Variants in USH2A observed in about 807,000 individuals in gnomAD.
USH2A encodes Usher syndrome 2A (autosomal recessive, mild).
Under a neutral mutation model 538.9 loss-of-function variants are expected in USH2A, and 443 were observed. That is an observed-to-expected ratio of 0.82 (90% CI 0.76 to 0.89). The LOEUF (loss-of-function observed/expected upper bound fraction) is 0.89. Among genes scored for constraint, USH2A ranks in the 40% least tolerant of loss-of-function variants. The pLI, the probability that USH2A is intolerant of heterozygous loss-of-function variation, is 0.00. For synonymous variants in USH2A, 2,413 were observed against 2,273.5 expected (o/e 1.06, Z -1.75); for missense variants, 6,633 against 6,324.8 (o/e 1.05, Z -1.65).
At chr1:216,212,500 T>C (rs896252370) in intron 15 of USH2A, among the ~76,000 whole-genome samples, 4 of 152,192 alleles carry the variant, frequency 2.6e-5, no homozygotes, top group Non-Finnish European at 4.4e-5. Context: ...GATGAGAGTA[T>C]AATATTGTGA....
At chr1:216,312,368 A>G (rs978070565) in intron 9 of USH2A, among the ~76,000 whole-genome samples, 3 of 151,966 alleles carry the variant, frequency 2.0e-5, no homozygotes, top group African/African-American at 7.2e-5. Flanking sequence ...CTTAGTCATT[A>G]TTGTTCCAAA....
chr1:216,046,356 TCG>T lies in USH2A; in HGVS notation c.6325+73_6325+74del. 2 of 1,574,180 alleles carry T rather than the reference TCG, an allele frequency of 1.3e-6. 1 individual carries two copies. Among genetic ancestry groups the T allele is most frequent in the South Asian group, 2.3e-5 (2 of 88,582 alleles). Reference sequence around the variant, plus strand: ...TTTGCAGATATGGAACCCCTGGATATCGAGAGCCAACTATATGTATGTTTATA... The same window carrying T: ...TTTGCAGATATGGAACCCCTGGATATAGAGCCAACTATATGTATGTTTATA... On this transcript the variant is annotated intron_variant, in intron 32 of 71. Transcript: ENST00000307340.
Position 215,623,303 on chromosome 1 carries a change from T to A in USH2A, c.*2478A>T, listed in dbSNP as rs1474973275. On this transcript the variant is annotated 3_prime_UTR_variant, in exon 72 of 72. Coordinates refer to ENST00000307340, the MANE Select transcript of USH2A (RefSeq NM_206933.4). ...GGTTCATCAAGAACTGCTCATTGTT[T>A]ATAAGGGAGAAGGGGTGAGCCAAGG... is the stretch of plus-strand genomic sequence containing the variant. The A allele has an allele frequency of 6.6e-6, 1 of 152,116 alleles. No homozygotes were observed. Among genetic ancestry groups the A allele is most frequent in the Non-Finnish European group, 1.5e-5 (1 of 67,994 alleles). 9.4% of individuals were successfully genotyped at this position (152,116 alleles called of 1,614,324 possible).
intron 58 of USH2A, among the ~76,000 whole-genome samples, chr1:215,747,977 C>T (rs1261371126): frequency 6.6e-6 from 1 of 151,308 alleles, no homozygotes; most frequent in Non-Finnish European, 1.5e-5. Context: ...CTGCAAGCTC[C>T]GCCTCCCGGG....
rs1376582582 is a variant in USH2A at position 216,014,613 on chromosome 1, A to C, written c.6326-14051T>G. 3.3e-5 allele frequency among the ~76,000 whole-genome samples: 5 copies of C among 152,202 alleles called. No individual in the cohort carries two copies. The East Asian group carries it at 9.6e-4, about 29-fold the overall frequency. ...TGTTTGTAAGAGCCCCTGAGCAACA[A>C]CATCTTGTTTTCCATTTGCTTGATT... On this transcript the variant is annotated intron_variant, in intron 32 of 71. Coordinates refer to ENST00000307340, the MANE Select transcript of USH2A (RefSeq NM_206933.4).
intron 44 of USH2A, among the ~76,000 whole-genome samples, chr1:215,857,046 T>C (rs1260544803): frequency 1.3e-5 from 2 of 152,046 alleles, no homozygotes; most frequent in African/African-American, 4.8e-5. Context: ...AATGATACAA[T>C]GGACTTTGGG....
intron 32 of USH2A, among the ~76,000 whole-genome samples, chr1:216,043,827 C>A (rs17025913): frequency 0.13 from 19,652 of 152,032 alleles, 1,745 homozygotes; most frequent in African/African-American, 0.26. Context: ...ATTAGCTGCA[C>A]CACTTCCCTG....
At chr1:215,814,131 A>G (rs571334834) in intron 48 of USH2A, among the ~76,000 whole-genome samples, 1 of 148,872 alleles carries the variant, frequency 6.7e-6, no homozygotes, top group South Asian at 2.1e-4. Context: ...TTTGTGCTCT[A>G]TTATAATACT....
chr1:216,394,720 C>CTTTTTTTTTTTTTTTTTTTT lies in USH2A; in HGVS notation c.651+23793_651+23794insAAAAAAAAAAAAAAAAAAAA, dbSNP rs780581599. Among the ~76,000 whole-genome samples the CTTTTTTTTTTTTTTTTTTTT allele has an allele frequency of 1.4e-3, 167 of 120,312 alleles. 23 individuals carry two copies. Among genetic ancestry groups the CTTTTTTTTTTTTTTTTTTTT allele is most frequent in the Non-Finnish European group, 2.1e-3 (126 of 59,636 alleles). 78.9% of individuals were successfully genotyped at this position (120,312 alleles called of 152,430 possible). ...CTTAAGGCCTAATAACTGGTCCAGT[C>CTTTTTTTTTTTTTTTTTTTT]TTTTTTTTTTTTTTTTGAGACAGAG... On this transcript the variant is annotated intron_variant, in intron 3 of 71. Transcript: ENST00000307340.
chr1:216,237,795 T>G (rs1026361448), intron 13 of USH2A, among the ~76,000 whole-genome samples: 1 of 152,164 alleles, frequency 6.6e-6, no homozygotes, highest in African/African-American at 2.4e-5. Context: ...GACAGAGAAA[T>G]TTTTCTTATC....
At chr1:215,679,377 C>T (rs899618916) in intron 62 of USH2A, among the ~76,000 whole-genome samples, 3 of 152,150 alleles carry the variant, frequency 2.0e-5, no homozygotes, top group African/African-American at 7.2e-5. Flanking sequence ...GGGGACTCTG[C>T]AGTCCCAGCC....
intron 11 of USH2A, among the ~76,000 whole-genome samples, chr1:216,258,671 T>A (rs57714915): frequency 6.6e-6 from 1 of 152,206 alleles, no homozygotes; most frequent in East Asian, 1.9e-4. Context: ...ATTGTAAGAT[T>A]CACATAATTT....
intron 20 of USH2A, among the ~76,000 whole-genome samples, chr1:216,183,114 C>T (rs924915156): frequency 2.0e-5 from 3 of 152,092 alleles, no homozygotes; most frequent in African/African-American, 7.2e-5. Flanking sequence ...TCTCATCCAA[C>T]TCATTTTCTT....
At chr1:215,963,474 A>G (rs1667252252) in intron 37 of USH2A, among the ~76,000 whole-genome samples, 1 of 152,048 alleles carries the variant, frequency 6.6e-6, no homozygotes, top group Admixed American at 6.6e-5. Flanking sequence ...CAAATCTCGT[A>G]ATTGCTTCCA....
intron 44 of USH2A, among the ~76,000 whole-genome samples, chr1:215,849,133 C>T (rs1275016809): frequency 6.6e-6 from 1 of 152,098 alleles, no homozygotes; most frequent in Non-Finnish European, 1.5e-5. Context: ...ACATAAGTTA[C>T]AAGGCTTCTT....
chr1:216,339,839 TAA>T (rs2038041991), intron 4 of USH2A, among the ~76,000 whole-genome samples: 1 of 151,794 alleles, frequency 6.6e-6, no homozygotes. Context: ...AAGGCAGTGT[TAA>T]GAGGGAAATT....
chr1:216,072,668 G>A (rs1558243050), intron 29 of USH2A: 8 of 581,926 alleles, frequency 1.4e-5, no homozygotes, highest in Non-Finnish European at 2.2e-5. Context: ...AAGAGGAAAG[G>A]ATCAAGTCTG....
intron 49 of USH2A, among the ~76,000 whole-genome samples, chr1:215,800,890 T>C (rs114234848): frequency 0.018 from 2,755 of 152,116 alleles, 89 homozygotes; most frequent in African/African-American, 0.063. Flanking sequence ...AACAAAATAC[T>C]AGCAAACTGA....
chr1:216,307,212 C>T (rs760755330), intron 9 of USH2A, among the ~76,000 whole-genome samples: 1 of 152,140 alleles, frequency 6.6e-6, no homozygotes, highest in Non-Finnish European at 1.5e-5. Flanking sequence ...TGTGTCTGAG[C>T]TTAGACTCTC....
Sources: gnomAD v4.1 joint callset for allele counts (sites outside exome capture counted in the v4.1 genomes callset) on GRCh38, gnomAD v4.1.1 for gene constraint, MANE v1.5 for transcripts, NCBI Gene and HGNC (gene_info 2026-07-23, HGNC 2026-07-21) for gene names.